DLC1: variants seen among roughly 807,000 people sequenced by gnomAD.
The protein encoded by DLC1 is rho GTPase-activating protein 7.
DLC1 carries 54 observed loss-of-function variants against 140.3 expected under a neutral mutation model. That is an observed-to-expected ratio of 0.38 (90% CI 0.31 to 0.48). The LOEUF (loss-of-function observed/expected upper bound fraction) is 0.48, where lower values mean the gene tolerates loss of function less well. DLC1 is among the 20% of genes least tolerant of loss of function. DLC1 has a pLI of 0.96. For synonymous variants in DLC1, 986 were observed against 728.1 expected (o/e 1.35, Z -5.70); for missense variants, 2,536 against 1,907.0 (o/e 1.33, Z -6.14).
chr8:13,312,386 A>AAAT (rs1554494787), intron 4 of DLC1, among the ~76,000 whole-genome samples: 208 of 81,620 alleles, frequency 2.5e-3, no homozygotes, highest in Non-Finnish European at 3.6e-3. Flanking sequence ...AAAAAAAAAA[A>AAAT]AATAATTTCT....
At chr8:13,370,267 A>G (rs1476934804) in intron 4 of DLC1, among the ~76,000 whole-genome samples, 6 of 152,108 alleles carry the variant, frequency 3.9e-5, no homozygotes, top group African/African-American at 1.4e-4. Context: ...AAGCTCTAAC[A>G]AAACAGGGAT....
chr8:13,314,015 A>C (rs1039284571), intron 4 of DLC1, among the ~76,000 whole-genome samples: 1 of 152,068 alleles, frequency 6.6e-6, no homozygotes, highest in Non-Finnish European at 1.5e-5. Context: ...CTGAGGGCAT[A>C]AGTGGAAGTG....
chr8:13,120,741 G>C (rs1459944751), intron 5 of DLC1, among the ~76,000 whole-genome samples: 3 of 152,152 alleles, frequency 2.0e-5, no homozygotes, highest in Admixed American at 6.5e-5. Flanking sequence ...TTTAGTCAAA[G>C]TCATTTCACA....
At chr8:13,434,322 A>G (rs750711322) in intron 2 of DLC1, among the ~76,000 whole-genome samples, 26 of 152,364 alleles carry the variant, frequency 1.7e-4, no homozygotes, top group Non-Finnish European at 8.8e-5. Context: ...ATAACTCTCT[A>G]TAACCCAAGA....
rs879340299 is a variant in DLC1 at position 13,139,932 on chromosome 8, T to C, written c.1349-24275A>G. 9.2e-5 allele frequency among the ~76,000 whole-genome samples: 14 copies of C among 152,362 alleles called. No individual in the cohort carries two copies. In the East Asian group the frequency reaches 2.7e-3, roughly 29 times the overall value. ...TATAAAATTTACCATTTTAACCATT[T>C]TTAAATGTCCAGTCTAGTAGCATTA... On this transcript the variant is annotated intron_variant, in intron 5 of 17. Transcript: ENST00000276297.
chr8:13,259,581 C>T (rs1221829089), intron 5 of DLC1, among the ~76,000 whole-genome samples: 2 of 152,096 alleles, frequency 1.3e-5, no homozygotes, highest in East Asian at 1.9e-4. Flanking sequence ...ATTTTCACAG[C>T]TTCTCCAAAT....
chr8:13,295,133 G>A (rs888368470), intron 5 of DLC1, among the ~76,000 whole-genome samples: 27 of 152,070 alleles, frequency 1.8e-4, no homozygotes, highest in African/African-American at 6.3e-4. Context: ...GACTTAAAGA[G>A]AAAGGGGGAA....
intron 5 of DLC1, chr8:13,304,824 C>G (rs2117517501): frequency 1.0e-6 from 1 of 977,796 alleles, no homozygotes; most frequent in African/African-American, 1.8e-5. Flanking sequence ...TTCTTCAATA[C>G]AATTATTCAC....
intron 7 of DLC1, among the ~76,000 whole-genome samples, chr8:13,104,364 A>C (rs1455638444): frequency 1.3e-5 from 2 of 150,952 alleles, no homozygotes; most frequent in Non-Finnish European, 3.0e-5. Context: ...AAAAAAAAAA[A>C]CCCAAAACCT....
chr8:13,478,901 C>G (rs1800558417), intron 2 of DLC1, among the ~76,000 whole-genome samples: 1 of 152,216 alleles, frequency 6.6e-6, no homozygotes, highest in Non-Finnish European at 1.5e-5. Context: ...AAAAACTTGC[C>G]TAAACAAGCT....
intron 3 of DLC1, among the ~76,000 whole-genome samples, chr8:13,399,360 A>G (rs1295749084): frequency 2.6e-5 from 4 of 152,056 alleles, no homozygotes; most frequent in African/African-American, 9.7e-5. Flanking sequence ...TGTGGATGCA[A>G]ATCTCACCTG....
At chr8:13,252,344 G>A (rs1830043389) in intron 5 of DLC1, among the ~76,000 whole-genome samples, 1 of 152,128 alleles carries the variant, frequency 6.6e-6, no homozygotes, top group Non-Finnish European at 1.5e-5. Flanking sequence ...GCGACAAAGG[G>A]CCACTCACGT....
chr8:13,342,087 A>G (rs993393887), intron 4 of DLC1: 2 of 152,242 alleles, frequency 1.3e-5, no homozygotes, highest in African/African-American at 2.4e-5. Flanking sequence ...TGAATTCCAA[A>G]ACAAAAACTA....
chr8:13,358,447 A>C (rs79344507), intron 4 of DLC1, among the ~76,000 whole-genome samples: 2,341 of 152,244 alleles, frequency 0.015, 36 homozygotes, highest in South Asian at 0.052. Flanking sequence ...GTGCTTGATT[A>C]CTCTGGCTAA....
rs143023864 is a variant in DLC1, at chr8:13,196,512, T to C, written c.1349-80855A>G. On this transcript the variant is annotated intron_variant, in intron 5 of 17. Coordinates refer to ENST00000276297, the MANE Select transcript of DLC1 (RefSeq NM_182643.3). ...CTATTCATCTATCAGCTGTCTCTCATAGGCTTACTATGAACCATGAATTAT... is the reference window on the plus strand; with the variant it reads ...CTATTCATCTATCAGCTGTCTCTCACAGGCTTACTATGAACCATGAATTAT... Among the ~76,000 whole-genome samples the C allele has an allele frequency of 7.9e-3, 1,197 of 152,340 alleles. 17 individuals are homozygous for C. Among genetic ancestry groups the C allele is most frequent in the African/African-American group, 0.027 (1,116 of 41,568 alleles).
intron 2 of DLC1, among the ~76,000 whole-genome samples, chr8:13,442,805 T>A (rs545388178): frequency 9.2e-5 from 14 of 152,306 alleles, no homozygotes; most frequent in East Asian, 1.9e-4. Context: ...GTGATTCCTC[T>A]GGGATCTAGA....
intron 1 of DLC1, chr8:13,558,947 C>G (rs1284893400): frequency 6.6e-6 from 1 of 152,060 alleles, no homozygotes; most frequent in Non-Finnish European, 1.5e-5. Context: ...AAAAGGCAGA[C>G]AAAACAAAAC....
intron 4 of DLC1, among the ~76,000 whole-genome samples, chr8:13,347,606 A>T (rs1729123): frequency 7.9e-5 from 12 of 152,162 alleles, no homozygotes; most frequent in Admixed American, 2.6e-4. Context: ...GCACCAGAAG[A>T]TGGAGTTGAA....
At chr8:13,116,524 C>T (rs533629745) in intron 5 of DLC1, among the ~76,000 whole-genome samples, 66 of 152,264 alleles carry the variant, frequency 4.3e-4, no homozygotes, top group African/African-American at 1.3e-3. Context: ...CAAGTCTGTT[C>T]ACTCATTTAT....
Sources: allele counts gnomAD v4.1 joint callset (sites outside exome capture counted in the v4.1 genomes callset), GRCh38; gene constraint gnomAD v4.1.1; transcripts MANE v1.5; gene names NCBI Gene and HGNC (gene_info 2026-07-23, HGNC 2026-07-21).